HIVEP2: variants seen among roughly 807,000 people sequenced by gnomAD.
HIVEP2 encodes HIVEP zinc finger 2.
In HIVEP2, 14 loss-of-function variants were observed where a neutral mutation model predicts 180.7. That is an observed-to-expected ratio of 0.08 (90% CI 0.05 to 0.12). The LOEUF (loss-of-function observed/expected upper bound fraction) is 0.12. Among genes scored for constraint, HIVEP2 ranks in the 10% least tolerant of loss-of-function variants. The probability of loss-of-function intolerance (pLI) is 1.00; values close to 1 mark genes in which losing one functional copy is unlikely to be tolerated. For missense variants in HIVEP2, 2,579 were observed against 3,008.5 expected, an observed-to-expected ratio of 0.86 and a Z score of 3.34; for synonymous variants, 1,184 against 1,136.4, an observed-to-expected ratio of 1.04 and a Z score of -0.84.
In HIVEP2 at chr6:142,858,732, C is replaced by G. The variant is rs1480350502; in HGVS notation, c.-640-21685G>C. Among the ~76,000 whole-genome samples, 3 of 152,234 alleles carry G rather than the reference C, an allele frequency of 2.0e-5. No individual in the cohort carries two copies. The East Asian group carries it at 5.8e-4, about 29-fold the overall frequency. On this transcript the variant is annotated intron_variant, in intron 1 of 9. Coordinates refer to ENST00000367603, the MANE Select transcript of HIVEP2 (RefSeq NM_006734.4). ...TCAGCCTCCCAAGTAGCTGGGATTA[C>G]AGGTGCCCACCGCTACGCCTGGCTG...
At chr6:142,847,135 T>C (rs1775534535) in intron 1 of HIVEP2, among the ~76,000 whole-genome samples, 2 of 152,190 alleles carry the variant, frequency 1.3e-5, no homozygotes, top group Admixed American at 1.3e-4. Context: ...AGCCAGCAGT[T>C]TGTCATAGCC....
chr6:142,936,624 C>T (rs7758819), intron 1 of HIVEP2, among the ~76,000 whole-genome samples: 32,694 of 151,940 alleles, frequency 0.22, 3,672 homozygotes, highest in African/African-American at 0.27. Context: ...TGTACATACA[C>T]ACATACACAT....
chr6:142,815,403 G>A, intron 2 of HIVEP2, among the ~76,000 whole-genome samples: 1 of 152,110 alleles, frequency 6.6e-6, no homozygotes, highest in South Asian at 2.1e-4. Flanking sequence ...TCAAGGAGGA[G>A]AAAGTTCAAA....
intron 6 of HIVEP2, among the ~76,000 whole-genome samples, chr6:142,766,180 A>T (rs1775375811): frequency 6.6e-6 from 1 of 152,202 alleles, no homozygotes; most frequent in African/African-American, 2.4e-5. Flanking sequence ...AAATCCATCC[A>T]CATATTTAAA....
intron 2 of HIVEP2, among the ~76,000 whole-genome samples, chr6:142,797,130 C>A (rs552943929): frequency 6.6e-6 from 1 of 152,122 alleles, no homozygotes; most frequent in East Asian, 1.9e-4. Context: ...TTATACACTC[C>A]TAACACACCT....
chr6:142,919,840 T>C (rs1777645125), intron 1 of HIVEP2, among the ~76,000 whole-genome samples: 1 of 152,110 alleles, frequency 6.6e-6, no homozygotes, highest in Non-Finnish European at 1.5e-5. Context: ...GTTAATAAGT[T>C]GTAAATAAAT....
rs144699383 is a variant in HIVEP2, at chr6:142,803,257, A to G, written c.-527-19642T>C. On this transcript the variant is annotated intron_variant, in intron 2 of 9. Transcript: ENST00000367603. ...AAATGCTACAGTGAATGCTCCAACC[A>G]GGAGGATCTCTTTACTTTAGTGGAA... is the stretch of plus-strand genomic sequence containing the variant. 3.6e-3 allele frequency among the ~76,000 whole-genome samples: 555 copies of G among 152,284 alleles called. 3 individuals carry two copies. The highest frequency in any genetic ancestry group is 0.013 in the African/African-American group (536 of 41,578).
Position 142,753,576 on chromosome 6 carries a change from T to G in HIVEP2, c.6872A>C (p.Gln2291Pro). ...QHEKRGPHAL[Q>P]SSGPPSTPSS... is the part of the protein sequence containing the mutation. ...GGGAGTGCTAGGTGGACCAGATGAC[T>G]GCAAAGCGTGAGGACCTCGCTTCTC... Residue 2291 changes from glutamine (Q) to proline (P), a missense_variant, in exon 10 of 10, where the codon CAG becomes CCG. This residue lies in a region of HIVEP2 where 660 missense variants were observed against 731.7 expected (regional missense o/e 0.90). Transcript: ENST00000367603. 1.9e-6 allele frequency: 3 copies of G among 1,614,204 alleles called. No individual in the cohort carries two copies. The highest frequency in any genetic ancestry group is 2.5e-6 in the Non-Finnish European group (3 of 1,180,032).
At position 142,768,471 on chromosome 6, in the gene HIVEP2, T is replaced by C. The variant is rs749278072; in HGVS notation, c.5253A>G (p.Leu1751=). 2 of 1,613,496 alleles carry C rather than the reference T, an allele frequency of 1.2e-6. No homozygotes were observed. Among genetic ancestry groups the C allele is most frequent in the South Asian group, 2.2e-5 (2 of 91,030 alleles). ...KLERKLVGNI[L]KERGKGDIHG... ...GAATATCTCCTTTCCCTCTTTCCTT[T>C]AAGATATTTCCCACTAGTTTCCTTT... Residue 1751 remains leucine, a synonymous_variant, in exon 6 of 10, where the codon TTA becomes TTG. Coordinates refer to ENST00000367603, the MANE Select transcript of HIVEP2 (RefSeq NM_006734.4).
rs371429642 is a variant in HIVEP2 at position 142,761,509 on chromosome 6, C to T, written c.5575G>A (p.Gly1859Arg). The T allele has an allele frequency of 1.9e-6, 3 of 1,610,458 alleles. No individual in the cohort carries two copies. Among genetic ancestry groups the T allele is most frequent in the African/African-American group, 1.3e-5 (1 of 74,814 alleles). Residue 1859 changes from glycine (G) to arginine (R), a missense_variant, in exon 8 of 10, where the codon GGA becomes AGA. By Grantham distance (125) the Gly-to-Arg change is moderately radical. This residue lies in a region of HIVEP2 where 660 missense variants were observed against 731.7 expected (regional missense o/e 0.90). Transcript: ENST00000367603. The part of the protein sequence containing the change: ...KAHMKKCLEL[G>R]VSMTSVDDTE... ...TCATCCACCGATGTCATTGAGACTC[C>T]CAATTCCAGGCATTTTTTCATGTGT...
chr6:142,766,484 G>T (rs547766199), intron 6 of HIVEP2, among the ~76,000 whole-genome samples: 1 of 152,242 alleles, frequency 6.6e-6, no homozygotes, highest in Admixed American at 6.5e-5. Flanking sequence ...AGATGAAATT[G>T]CTTAAGACAT....
intron 9 of HIVEP2, among the ~76,000 whole-genome samples, chr6:142,759,401 G>A (rs2328374): frequency 0.02 from 3,009 of 152,302 alleles, 37 homozygotes; most frequent in Middle Eastern, 0.11. Context: ...AGTTATATAA[G>A]TGATGCCTAA....
chr6:142,920,761 C>A (rs1177098025), intron 1 of HIVEP2, among the ~76,000 whole-genome samples: 1 of 152,080 alleles, frequency 6.6e-6, no homozygotes, highest in Admixed American at 6.5e-5. Context: ...GCAGGAGGAT[C>A]ACTTGAGCCC....
At chr6:142,919,555 AAC>A (rs1478035346) in intron 1 of HIVEP2, among the ~76,000 whole-genome samples, 1 of 152,188 alleles carries the variant, frequency 6.6e-6, no homozygotes, top group Non-Finnish European at 1.5e-5. Context: ...CTTTTAAGGA[AAC>A]ACATGTCACA....
At chr6:142,868,014 C>G (rs149910610) in intron 1 of HIVEP2, among the ~76,000 whole-genome samples, 159 of 152,226 alleles carry the variant, frequency 1.0e-3, no homozygotes, top group African/African-American at 3.7e-3. Flanking sequence ...TCTAATCTGG[C>G]ATAGATTAGA....
intron 1 of HIVEP2, among the ~76,000 whole-genome samples, chr6:142,942,991 T>C (rs895686140): frequency 5.9e-5 from 9 of 152,202 alleles, no homozygotes; most frequent in Non-Finnish European, 8.8e-5. Flanking sequence ...AACCTAGTGG[T>C]CAAAGGGATT....
chr6:142,827,399 T>C (rs1354131022), intron 2 of HIVEP2, among the ~76,000 whole-genome samples: 1 of 152,252 alleles, frequency 6.6e-6, no homozygotes, highest in East Asian at 1.9e-4. Flanking sequence ...ATTGCACCCC[T>C]GCCCTGTGTT....
intron 1 of HIVEP2, among the ~76,000 whole-genome samples, chr6:142,852,498 T>C (rs1457529156): frequency 6.6e-6 from 1 of 152,168 alleles, no homozygotes; most frequent in African/African-American, 2.4e-5. Context: ...ATCAATTACA[T>C]AACAATATTT....
chr6:142,808,603 T>C (rs1776611444), intron 2 of HIVEP2, among the ~76,000 whole-genome samples: 1 of 143,832 alleles, frequency 7.0e-6, no homozygotes, highest in Non-Finnish European at 1.5e-5. Context: ...GATGGAGGGA[T>C]GGACAGATAG....
Sources: allele counts gnomAD v4.1 joint callset (sites outside exome capture counted in the v4.1 genomes callset), GRCh38; gene constraint gnomAD v4.1.1; regional missense constraint gnomAD v4.1.1; transcripts MANE v1.5; gene names NCBI Gene and HGNC (gene_info 2026-07-23, HGNC 2026-07-21).